The following ADAMTS20 variants were observed in gnomAD, a reference collection of about 807,000 sequenced individuals.
ADAMTS20 encodes the protein A disintegrin and metalloproteinase with thrombospondin motifs 20.
ADAMTS20 carries 225 observed loss-of-function variants against 260.1 expected under a neutral mutation model. That is an observed-to-expected ratio of 0.87 (90% CI 0.78 to 0.97). ADAMTS20 has a LOEUF of 0.97. Among genes scored for constraint, ADAMTS20 ranks in the 50% least tolerant of loss-of-function variants. The pLI, the probability that ADAMTS20 is intolerant of heterozygous loss-of-function variation, is 0.00. For synonymous variants in ADAMTS20, 802 were observed against 769.5 expected (o/e 1.04, Z -0.70); for missense variants, 2,400 against 2,337.7 (o/e 1.03, Z -0.55).
At chr12:43,533,539 T>C (rs1943255095) in intron 2 of ADAMTS20, among the ~76,000 whole-genome samples, 1 of 46,118 alleles carries the variant, frequency 2.2e-5, no homozygotes, top group African/African-American at 6.7e-5. Context: ...ATCGTGAAAA[T>C]GGCCATACTG....
chr12:43,362,955 C>T (rs946610866), intron 37 of ADAMTS20, among the ~76,000 whole-genome samples: 3 of 151,990 alleles, frequency 2.0e-5, no homozygotes, highest in Non-Finnish European at 2.9e-5. Context: ...GCCCTGCTGA[C>T]TGCTTGATTT....
Position 43,354,102 on chromosome 12 carries a change from T to C in ADAMTS20, c.*107A>G. ...ACCCTGAAAAAAAGGCAGAGACATATTGGACATGGAAATCTCGGGAAGGGA... is the reference window on the plus strand; with the variant it reads ...ACCCTGAAAAAAAGGCAGAGACATACTGGACATGGAAATCTCGGGAAGGGA... On this transcript the variant is annotated 3_prime_UTR_variant, in exon 39 of 39. Coordinates refer to ENST00000389420, the MANE Select transcript of ADAMTS20 (RefSeq NM_025003.5). The C allele has an allele frequency of 1.3e-6, 1 of 798,944 alleles. No individual in the cohort carries two copies. The highest frequency in any genetic ancestry group is 1.9e-6 in the Non-Finnish European group (1 of 518,224). The allele number at this position is 798,944 out of a possible 1,614,324, so 49.5% of individuals were successfully genotyped here.
chr12:43,369,390 T>C lies in ADAMTS20; in HGVS notation c.5447-9A>G. ...AAAAAGAAGGTCCGTAGCTAGAAAATAATAAATAAAACTCTTTAGCATGGA... is the reference window on the plus strand; with the variant it reads ...AAAAAGAAGGTCCGTAGCTAGAAAACAATAAATAAAACTCTTTAGCATGGA... On this transcript the variant is annotated splice_polypyrimidine_tract_variant and intron_variant, in intron 36 of 38. Transcript: ENST00000389420. 1.4e-6 allele frequency: 2 copies of C among 1,479,780 alleles called. No homozygotes were observed. The highest frequency in any genetic ancestry group is 1.4e-5 in the African/African-American group (1 of 69,398). The allele number at this position is 1,479,780 out of a possible 1,614,324, so 91.7% of individuals were successfully genotyped here.
chr12:43,536,113 T>A (rs1943291285), intron 2 of ADAMTS20, among the ~76,000 whole-genome samples: 1 of 152,076 alleles, frequency 6.6e-6, no homozygotes, highest in Admixed American at 6.6e-5. Context: ...TATAAATATA[T>A]AATTCTTTTC....
At chr12:43,390,772 G>A (rs1940580136) in intron 29 of ADAMTS20, among the ~76,000 whole-genome samples, 1 of 152,152 alleles carries the variant, frequency 6.6e-6, no homozygotes, top group African/African-American at 2.4e-5. Context: ...TATTCTCAAA[G>A]ATTGAGGCTC....
chr12:43,428,391 A>C lies in ADAMTS20; in HGVS notation c.3795T>G (p.Pro1265=). The change falls in exon 26 of 39, where the codon CCT becomes CCG. Residue 1265 remains proline, a synonymous_variant. Transcript: ENST00000389420. ...EQECSLAACP[P]AHSHFPSSPV... ...GGGAACTAGGAAAGTGGCTGTGTGC[A>C]GGAGGGCAGGCTGCCAGGCTACATT... 2 of 1,613,910 alleles carry C rather than the reference A, an allele frequency of 1.2e-6. No individual in the cohort carries two copies. Among genetic ancestry groups the C allele is most frequent in the South Asian group, 1.1e-5 (1 of 91,078 alleles).
chr12:43,526,057 C>T (rs1188875842), intron 3 of ADAMTS20, among the ~76,000 whole-genome samples: 1 of 152,136 alleles, frequency 6.6e-6, no homozygotes, highest in Admixed American at 6.5e-5. Context: ...AATATTCTAC[C>T]CCAAAACTGC....
At chr12:43,408,096 A>G (rs1289513894) in intron 28 of ADAMTS20, among the ~76,000 whole-genome samples, 1 of 152,128 alleles carries the variant, frequency 6.6e-6, no homozygotes, top group Non-Finnish European at 1.5e-5. Flanking sequence ...AACAATGCAA[A>G]TCTTGTCTAT....
At chr12:43,460,351 A>G (rs1213018397) in intron 11 of ADAMTS20, among the ~76,000 whole-genome samples, 3 of 152,216 alleles carry the variant, frequency 2.0e-5, no homozygotes, top group African/African-American at 7.2e-5. Flanking sequence ...TAAGATTGAT[A>G]ATAATCATGG....
intron 37 of ADAMTS20, among the ~76,000 whole-genome samples, chr12:43,357,746 A>G (rs1939775397): frequency 6.6e-6 from 1 of 152,204 alleles, no homozygotes; most frequent in Admixed American, 6.5e-5. Context: ...AGAGCCCAGA[A>G]CAGGGCCTAA....
At position 43,354,193 on chromosome 12, in the gene ADAMTS20, T is replaced by TC. The variant is rs1444149366; in HGVS notation, c.*15dup. 11 of 1,540,332 alleles carry TC rather than the reference T, an allele frequency of 7.1e-6. No homozygotes were observed. Among genetic ancestry groups the TC allele is most frequent in the Non-Finnish European group, 8.9e-6 (10 of 1,129,926 alleles). On this transcript the variant is annotated 3_prime_UTR_variant, in exon 39 of 39. Transcript: ENST00000389420. The stretch of plus-strand genomic sequence containing the variant: ...GAATATCCCCTCTTTAGGGCATACT[T>TC]CCCCCTTCTAAATGTTCATATGACT...
chr12:43,403,383 C>T (rs938616101), intron 28 of ADAMTS20, among the ~76,000 whole-genome samples: 4 of 151,878 alleles, frequency 2.6e-5, no homozygotes, highest in Non-Finnish European at 5.9e-5. Context: ...GAAATGGAAG[C>T]CTTGTTTTTT....
intron 28 of ADAMTS20, among the ~76,000 whole-genome samples, chr12:43,414,870 C>G (rs959038393): frequency 6.6e-6 from 1 of 151,980 alleles, no homozygotes; most frequent in Admixed American, 6.6e-5. Context: ...AAAGACATGT[C>G]TGAGAAATGC....
chr12:43,532,845 G>A (rs13377920), intron 2 of ADAMTS20, among the ~76,000 whole-genome samples: 7,078 of 14,624 alleles, frequency 0.48, 1,842 homozygotes, highest in East Asian at 0.97. Context: ...GAGAATGATG[G>A]TTTCCAATTT....
intron 29 of ADAMTS20, among the ~76,000 whole-genome samples, chr12:43,391,916 G>C (rs1940604554): frequency 6.6e-6 from 1 of 152,108 alleles, no homozygotes; most frequent in Non-Finnish European, 1.5e-5. Flanking sequence ...TCTCTCTTGT[G>C]AGTATAAGCA....
intron 28 of ADAMTS20, among the ~76,000 whole-genome samples, chr12:43,406,461 G>A (rs899256972): frequency 6.6e-6 from 1 of 151,978 alleles, no homozygotes; most frequent in African/African-American, 2.4e-5. Context: ...ACACTATTAT[G>A]AAATAAAAGA....
At position 43,427,405 on chromosome 12, in the gene ADAMTS20, T is replaced by C. The variant is rs1289543824; in HGVS notation, c.4010A>G (p.Gln1337Arg). 6.2e-7 allele frequency: 1 copy of C among 1,613,896 alleles called. No homozygotes were observed. Among genetic ancestry groups the C allele is most frequent in the Non-Finnish European group, 8.5e-7 (1 of 1,179,824 alleles). The change falls in exon 27 of 39, where the codon CAA becomes CGA. Residue 1337 changes from glutamine to arginine, a missense_variant. Gln to Arg is a conservative substitution (Grantham distance 43, BLOSUM62 1). Transcript: ENST00000389420. ...RAVVCQDENG[Q>R]SASYCDAASK... ...GGCTGCATCGCAGTAACTAGCACTT[T>C]GTCCATTTTCATCCTGGCAGACCAC...
intron 37 of ADAMTS20, 145 bp downstream of exon 37, chr12:43,369,145 T>C (rs1940048206): frequency 4.4e-6 from 2 of 451,866 alleles, no homozygotes; most frequent in African/African-American, 2.1e-5. Context: ...AGGTTATCTA[T>C]AACCTTTGAA....
At chr12:43,420,733 G>A (rs897667275) in intron 28 of ADAMTS20, among the ~76,000 whole-genome samples, 8 of 149,138 alleles carry the variant, frequency 5.4e-5, no homozygotes, top group African/African-American at 1.5e-4. Flanking sequence ...CAGATTTACC[G>A]GTGTTTGCTG....
Sources: gnomAD v4.1 joint callset for allele counts (sites outside exome capture counted in the v4.1 genomes callset) on GRCh38, gnomAD v4.1.1 for gene constraint, MANE v1.5 for transcripts, NCBI Gene and HGNC (gene_info 2026-07-23, HGNC 2026-07-21) for gene names.